The following IL1RAPL2 variants were observed in gnomAD, a reference collection of about 807,000 sequenced individuals.
IL1RAPL2 encodes X-linked interleukin-1 receptor accessory protein-like 2.
Under a neutral mutation model 44.1 loss-of-function variants are expected in IL1RAPL2, and 3 were observed. That is an observed-to-expected ratio of 0.07 (90% CI 0.03 to 0.18). The LOEUF is 0.18. Ranked by LOEUF, IL1RAPL2 falls within the 10% of genes least tolerant of loss-of-function variation. The pLI is 1.00. For synonymous variants in IL1RAPL2, 181 were observed against 178.8 expected (o/e 1.01, Z -0.10); for missense variants, 391 against 496.4 (o/e 0.79, Z 2.02).
intron 6 of IL1RAPL2, among the ~76,000 whole-genome samples, chrX:105,507,977 G>GA (rs2036442954): frequency 9.0e-6 from 1 of 111,024 alleles, no homozygotes. Flanking sequence ...TAGCGAAGGA[G>GA]AAAATCCCTA....
chrX:104,744,232 G>A (rs1932137898), intron 2 of IL1RAPL2, among the ~76,000 whole-genome samples: 1 of 110,868 alleles, frequency 9.0e-6, no homozygotes, highest in African/African-American at 3.3e-5. Context: ...AAGGATAACC[G>A]CACTTCAGGA....
intron 2 of IL1RAPL2, among the ~76,000 whole-genome samples, chrX:105,181,991 C>T (rs916439133): frequency 1.9e-5 from 2 of 105,952 alleles, no homozygotes; most frequent in African/African-American, 7.0e-5. Context: ...GGCGTGAACC[C>T]GGGAGGTGGA....
intron 6 of IL1RAPL2, among the ~76,000 whole-genome samples, chrX:105,579,625 C>T (rs1346485529): frequency 9.0e-6 from 1 of 111,273 alleles, no homozygotes; most frequent in Non-Finnish European, 1.9e-5. Flanking sequence ...CTTCTATTAT[C>T]ACATTTATTC....
At chrX:104,733,249 C>T (rs960453748) in intron 2 of IL1RAPL2, among the ~76,000 whole-genome samples, 7 of 111,203 alleles carry the variant, frequency 6.3e-5, no homozygotes, top group Non-Finnish European at 1.1e-4. Context: ...GGAAAGTAAA[C>T]AACCCAAAAC....
At chrX:105,012,645 T>TCTCTCTCA (rs1287477665) in intron 2 of IL1RAPL2, among the ~76,000 whole-genome samples, 93 of 48,470 alleles carry the variant, frequency 1.9e-3, no homozygotes, top group Non-Finnish European at 3.1e-3. Flanking sequence ...TCTCTCTCTC[T>TCTCTCTCA]CACACACACA....
chrX:105,238,442 A>G (rs2034140661), intron 4 of IL1RAPL2, among the ~76,000 whole-genome samples: 1 of 111,188 alleles, frequency 9.0e-6, no homozygotes, highest in African/African-American at 3.3e-5. Flanking sequence ...CTTGAAACCC[A>G]CTGAAAAATA....
chrX:105,322,040 T>C (rs1223471039), intron 5 of IL1RAPL2, among the ~76,000 whole-genome samples: 2 of 112,875 alleles, frequency 1.8e-5, no homozygotes, highest in African/African-American at 6.4e-5. Context: ...AAGAAATAGT[T>C]TGGGGTGCAA....
intron 2 of IL1RAPL2, among the ~76,000 whole-genome samples, chrX:104,808,969 G>A (rs189351086): frequency 1.8e-5 from 2 of 111,692 alleles, no homozygotes; most frequent in South Asian, 3.8e-4. Flanking sequence ...CTTAAAAGTC[G>A]TGTACTTGAG....
chrX:105,165,218 A>G lies in IL1RAPL2; in HGVS notation c.83-30257A>G, dbSNP rs751953712. Among the ~76,000 whole-genome samples the G allele has an allele frequency of 1.8e-4, 20 of 111,891 alleles. No homozygotes were observed. The South Asian group carries it at 7.5e-3, about 42-fold the overall frequency. On this transcript the variant is annotated intron_variant, in intron 2 of 10. Transcript: ENST00000372582. ...CCTTTGTACTCCCCACTGACCATTCATTTATTCTTTATTATATATTCTTCC... is the reference window on the plus strand; with the variant it reads ...CCTTTGTACTCCCCACTGACCATTCGTTTATTCTTTATTATATATTCTTCC...
intron 2 of IL1RAPL2, among the ~76,000 whole-genome samples, chrX:104,836,504 C>T (rs1405479373): frequency 1.8e-5 from 2 of 110,056 alleles, no homozygotes; most frequent in African/African-American, 6.6e-5. Context: ...TGTATGCCTA[C>T]ATCAAAATAT....
rs191918939 is a variant in IL1RAPL2 at position 105,709,765 on chromosome X, A to G, written c.773-7602A>G. 3.6e-5 allele frequency among the ~76,000 whole-genome samples: 4 copies of G among 111,234 alleles called. No individual in the cohort carries two copies. In the East Asian group the frequency reaches 1.1e-3, roughly 32 times the overall value. On this transcript the variant is annotated intron_variant, in intron 6 of 10. Transcript: ENST00000372582. ...CTAGGATCTTAAGACTCTGAGCCAC[A>G]CTCCTTGTCCAAAGGAAATGAAAAA...
chrX:104,903,085 G>T (rs1448194921), intron 2 of IL1RAPL2, among the ~76,000 whole-genome samples: 1 of 111,303 alleles, frequency 9.0e-6, no homozygotes, highest in Non-Finnish European at 1.9e-5. Context: ...TGCAGAGGGG[G>T]CATTAAATGT....
At chrX:104,918,645 C>A (rs2147689735) in intron 2 of IL1RAPL2, among the ~76,000 whole-genome samples, 1 of 111,780 alleles carries the variant, frequency 8.9e-6, no homozygotes, top group East Asian at 2.8e-4. Context: ...AGAAAGAGAA[C>A]TTGTTTGCTG....
intron 2 of IL1RAPL2, chrX:104,803,930 CTGCAAGAGTAAAAGGTGGCAGGG>C (rs1452805272): frequency 2.7e-5 from 3 of 112,334 alleles, no homozygotes; most frequent in African/African-American, 9.7e-5. Flanking sequence ...CTCTGGCACG[CTGCAAGAGTAAAAGGTGGCAGGG>C]CACTACCTGC....
At chrX:104,849,139 C>G (rs928431292) in intron 2 of IL1RAPL2, among the ~76,000 whole-genome samples, 1 of 107,986 alleles carries the variant, frequency 9.3e-6, no homozygotes, top group Non-Finnish European at 1.9e-5. Flanking sequence ...AGGTGATGCT[C>G]CCACCTCAGA....
intron 2 of IL1RAPL2, among the ~76,000 whole-genome samples, chrX:104,675,769 G>C: frequency 9.1e-6 from 1 of 110,299 alleles, no homozygotes; most frequent in Non-Finnish European, 1.9e-5. Flanking sequence ...CTTGCTTTAT[G>C]AATCTTGGTG....
chrX:105,745,190 C>T (rs2038530789), intron 8 of IL1RAPL2, among the ~76,000 whole-genome samples: 1 of 111,539 alleles, frequency 9.0e-6, no homozygotes, highest in African/African-American at 3.3e-5. Flanking sequence ...ATTCTGATCA[C>T]GACTATTTAG....
intron 6 of IL1RAPL2, among the ~76,000 whole-genome samples, chrX:105,538,167 G>C (rs1335080677): frequency 1.9e-5 from 2 of 107,051 alleles, no homozygotes; most frequent in Non-Finnish European, 3.8e-5. Context: ...CTCCCGAGTA[G>C]CTGGGACTAC....
At chrX:105,053,577 T>G (rs2031955110) in intron 2 of IL1RAPL2, among the ~76,000 whole-genome samples, 1 of 111,213 alleles carries the variant, frequency 9.0e-6, no homozygotes, top group Non-Finnish European at 1.9e-5. Context: ...GTCTAGAACC[T>G]CCTCCTCCCA....
Sources: allele counts gnomAD v4.1 joint callset (sites outside exome capture counted in the v4.1 genomes callset), GRCh38; gene constraint gnomAD v4.1.1; transcripts MANE v1.5; gene names NCBI Gene and HGNC (gene_info 2026-07-23, HGNC 2026-07-21).